The following MAML3 variants were observed in gnomAD, a reference collection of about 807,000 sequenced individuals.
MAML3 encodes the protein mastermind-like protein 3.
In MAML3, 27 loss-of-function variants were observed where a neutral mutation model predicts 101.9. The observed-to-expected ratio is 0.27, with a 90% CI of 0.20 to 0.37. The LOEUF is 0.37. Among genes scored for constraint, MAML3 ranks in the 10% least tolerant of loss-of-function variants. The pLI, the probability that MAML3 is intolerant of heterozygous loss-of-function variation, is 1.00. For synonymous variants in MAML3, 501 were observed against 555.9 expected (o/e 0.90, Z 1.39); for missense variants, 1,316 against 1,444.9 (o/e 0.91, Z 1.45).
chr4:140,078,827 A>G (rs916923417), intron 1 of MAML3, among the ~76,000 whole-genome samples: 3 of 152,124 alleles, frequency 2.0e-5, no homozygotes, highest in Non-Finnish European at 4.4e-5. Flanking sequence ...ACAAACTCCC[A>G]GGGCCCACCA....
intron 1 of MAML3, among the ~76,000 whole-genome samples, chr4:140,004,846 T>A (rs930265680): frequency 2.7e-5 from 4 of 145,866 alleles, no homozygotes; most frequent in Non-Finnish European, 4.6e-5. Context: ...TTTCCTTAGG[T>A]TTTTTTTTTA....
chr4:139,996,237 A>G (rs1434217352), intron 1 of MAML3, among the ~76,000 whole-genome samples: 2 of 152,096 alleles, frequency 1.3e-5, no homozygotes, highest in Non-Finnish European at 2.9e-5. Flanking sequence ...TGTTAAATGG[A>G]TTGTTCTATG....
At position 139,966,016 on chromosome 4, in the gene MAML3, A is replaced by G. The variant is rs566529950; in HGVS notation, c.469-75049T>C. ...GAAGAAAAACATTTGCATCATAACTATACTTGTGTCTTTTTCCATCAGCAA... is the reference window on the plus strand; with the variant it reads ...GAAGAAAAACATTTGCATCATAACTGTACTTGTGTCTTTTTCCATCAGCAA... On this transcript the variant is annotated intron_variant, in intron 1 of 4. Coordinates refer to ENST00000509479, the MANE Select transcript of MAML3 (RefSeq NM_018717.5). Among the ~76,000 whole-genome samples the G allele has an allele frequency of 1.0e-3, 159 of 152,234 alleles. 1 individual carries two copies. Among genetic ancestry groups the G allele is most frequent in the Non-Finnish European group, 1.9e-3 (127 of 68,040 alleles).
At chr4:139,967,164 T>A (rs1734148583) in intron 1 of MAML3, among the ~76,000 whole-genome samples, 1 of 152,112 alleles carries the variant, frequency 6.6e-6, no homozygotes, top group South Asian at 2.1e-4. Flanking sequence ...GGTCACTTCA[T>A]AAATATTTGG....
chr4:140,137,739 C>T lies in MAML3; in HGVS notation c.468+15121G>A, dbSNP rs553062176. On this transcript the variant is annotated intron_variant, in intron 1 of 4. Transcript: ENST00000509479. ...TTCTTCTTCCATATATGGTGGTCCC[C>T]ACCCCCAGAAGTCAATACCAGAAAC... Among the ~76,000 whole-genome samples, 25 of 152,330 alleles carry T rather than the reference C, an allele frequency of 1.6e-4. No homozygotes were observed. In the South Asian group the frequency reaches 4.8e-3, roughly 29 times the overall value.
chr4:140,095,430 C>A (rs1728140978), intron 1 of MAML3, among the ~76,000 whole-genome samples: 1 of 152,148 alleles, frequency 6.6e-6, no homozygotes, highest in Non-Finnish European at 1.5e-5. Context: ...GGCAACAACA[C>A]CCTGCGCTCC....
chr4:140,067,726 C>CTTTTTTTT (rs34853196), intron 1 of MAML3, among the ~76,000 whole-genome samples: 2 of 131,390 alleles, frequency 1.5e-5, no homozygotes, highest in African/African-American at 2.9e-5. Flanking sequence ...CAATCTTAAT[C>CTTTTTTTT]TTTTTTTTTT....
intron 2 of MAML3, among the ~76,000 whole-genome samples, chr4:139,858,849 G>A (rs372123641): frequency 6.6e-5 from 10 of 152,292 alleles, no homozygotes; most frequent in Admixed American, 5.2e-4. Flanking sequence ...TGGACACTGA[G>A]AAATTTAGAA....
intron 2 of MAML3, among the ~76,000 whole-genome samples, chr4:139,876,949 G>T (rs1296455009): frequency 6.6e-6 from 1 of 152,162 alleles, no homozygotes; most frequent in Non-Finnish European, 1.5e-5. Flanking sequence ...TGTATGAATT[G>T]GCCAGAGCCC....
intron 1 of MAML3, among the ~76,000 whole-genome samples, chr4:140,028,957 A>C (rs1726867632): frequency 6.6e-6 from 1 of 151,968 alleles, no homozygotes. Flanking sequence ...CACTGTTGTC[A>C]TTGTCACTTT....
intron 2 of MAML3, among the ~76,000 whole-genome samples, chr4:139,822,072 CCAT>C (rs1730981760): frequency 1.3e-5 from 2 of 152,038 alleles, no homozygotes; most frequent in African/African-American, 2.4e-5. Context: ...ATCATCATCA[CCAT>C]CATCATCACC....
rs373454963 is a variant in MAML3, at chr4:139,890,769, G to A, written c.667C>T (p.Leu223=). ...TTCTGCAAGGGCAAAGAAGGTTTCAGGTCAAGTTGGTGAAGAGGAGAAGCT... is the reference window on the plus strand; with the variant it reads ...TTCTGCAAGGGCAAAGAAGGTTTCAAGTCAAGTTGGTGAAGAGGAGAAGCT... The part of the protein sequence containing the change: ...PSASPLHQLD[L]KPSLPLQNSG... The change falls in exon 2 of 5, where the codon CTG becomes TTG. Residue 223 remains leucine, a synonymous_variant. Transcript: ENST00000509479. The surrounding 1 kb of genome is among the most constrained non-coding windows in gnomAD (Gnocchi z 4.1). The A allele has an allele frequency of 1.2e-6, 2 of 1,613,980 alleles. No individual in the cohort carries two copies. The highest frequency in any genetic ancestry group is 1.7e-6 in the Non-Finnish European group (2 of 1,179,836).
At chr4:139,974,382 G>A (rs1185922350) in intron 1 of MAML3, among the ~76,000 whole-genome samples, 2 of 152,112 alleles carry the variant, frequency 1.3e-5, no homozygotes, top group African/African-American at 4.8e-5. Context: ...TGGGATTACA[G>A]GTGTAAGCCA....
intron 1 of MAML3, among the ~76,000 whole-genome samples, chr4:139,910,176 T>C (rs1277917888): frequency 6.6e-6 from 1 of 152,208 alleles, no homozygotes; most frequent in African/African-American, 2.4e-5. Context: ...CGAGGGTTCC[T>C]CTATGACACT....
chr4:140,079,480 T>C (rs1050256537), intron 1 of MAML3, among the ~76,000 whole-genome samples: 2 of 152,092 alleles, frequency 1.3e-5, no homozygotes, highest in Non-Finnish European at 2.9e-5. Context: ...TTCTAGTAGA[T>C]ATGGAGTTTC....
chr4:139,737,558 T>C (rs528136056), intron 2 of MAML3, among the ~76,000 whole-genome samples: 2 of 89,420 alleles, frequency 2.2e-5, no homozygotes, highest in South Asian at 2.8e-4. Context: ...ATATGCATCA[T>C]TTTTTTTAAT....
intron 1 of MAML3, among the ~76,000 whole-genome samples, chr4:140,094,929 G>A (rs978902543): frequency 6.6e-5 from 10 of 152,164 alleles, no homozygotes; most frequent in Admixed American, 5.2e-4. Context: ...CACCCTTCTA[G>A]CTGTGCGTGG....
intron 1 of MAML3, among the ~76,000 whole-genome samples, chr4:139,964,069 C>G (rs1259539357): frequency 6.6e-6 from 1 of 152,130 alleles, no homozygotes; most frequent in Non-Finnish European, 1.5e-5. Context: ...TTAAAAATAC[C>G]TTTTGACCCA....
At chr4:140,075,137 C>T (rs1377365559) in intron 1 of MAML3, among the ~76,000 whole-genome samples, 1 of 152,150 alleles carries the variant, frequency 6.6e-6, no homozygotes, top group Non-Finnish European at 1.5e-5. Flanking sequence ...ATGCTCATAA[C>T]ATTTCTGTGA....
Sources: allele counts gnomAD v4.1 joint callset (sites outside exome capture counted in the v4.1 genomes callset), GRCh38; gene constraint gnomAD v4.1.1; non-coding constraint Gnocchi (gnomAD v3.1); transcripts MANE v1.5; gene names NCBI Gene and HGNC (gene_info 2026-07-23, HGNC 2026-07-21).